Variants in CGNL1 observed in about 807,000 individuals in gnomAD.
CGNL1 encodes cingulin-like protein 1.
A neutral mutation model predicts 141.2 loss-of-function variants in CGNL1; 132 were observed. That is an observed-to-expected ratio of 0.93 (90% CI 0.81 to 1.08). The LOEUF is 1.08. Among genes scored for constraint, CGNL1 ranks in the 50% least tolerant of loss-of-function variants. The pLI is 0.00. For synonymous variants in CGNL1, 690 were observed against 622.1 expected, an observed-to-expected ratio of 1.11 and a Z score of -1.63; for missense variants, 1,870 against 1,588.6, an observed-to-expected ratio of 1.18 and a Z score of -3.01.
chr15:57,459,553 G>C (rs2063420434), intron 7 of CGNL1, among the ~76,000 whole-genome samples: 2 of 152,104 alleles, frequency 1.3e-5, no homozygotes, highest in Admixed American at 1.3e-4. Flanking sequence ...AAGGGAGAAG[G>C]GCACTCCGGA....
At position 57,549,624 on chromosome 15, in the gene CGNL1, A is replaced by C. The variant is rs541719631; in HGVS notation, c.*2134A>C. 6.6e-6 allele frequency: 1 copy of C among 152,312 alleles called. No individual in the cohort carries two copies. Among genetic ancestry groups the C allele is most frequent in the South Asian group, 2.1e-4 (1 of 4,828 alleles). 9.4% of individuals were successfully genotyped at this position (152,312 alleles called of 1,614,324 possible). A position where few individuals can be genotyped will look rare whatever the true frequency, so the allele number is the denominator to read the frequency against. On this transcript the variant is annotated 3_prime_UTR_variant, in exon 19 of 19. Transcript: ENST00000281282. Reference sequence around the variant, plus strand: ...TTCATTTAGCACATATTTATTGGGCATCGGTGATGTGTCAGGCACAGTCCT... The same window carrying C: ...TTCATTTAGCACATATTTATTGGGCCTCGGTGATGTGTCAGGCACAGTCCT...
intron 8 of CGNL1, among the ~76,000 whole-genome samples, chr15:57,498,276 G>T (rs2063972352): frequency 7.9e-6 from 1 of 125,952 alleles, no homozygotes; most frequent in Non-Finnish European, 1.6e-5. Flanking sequence ...GGAGACCAGG[G>T]TCTCACCCTG....
At chr15:57,398,778 T>A (rs1254218087) in intron 1 of CGNL1, among the ~76,000 whole-genome samples, 1 of 152,226 alleles carries the variant, frequency 6.6e-6, no homozygotes, top group Non-Finnish European at 1.5e-5. Context: ...GAAGAGCATT[T>A]TGAATAGAGA....
chr15:57,476,106 G>A (rs1268832155), intron 8 of CGNL1, among the ~76,000 whole-genome samples: 1 of 152,178 alleles, frequency 6.6e-6, no homozygotes, highest in Non-Finnish European at 1.5e-5. Context: ...CAGCCTAGTA[G>A]AGACAGACAA....
At position 57,476,561 on chromosome 15, in the gene CGNL1, A is replaced by G. The variant is rs1036453036; in HGVS notation, c.2403+14669A>G. On this transcript the variant is annotated intron_variant, in intron 8 of 18. Coordinates refer to ENST00000281282, the MANE Select transcript of CGNL1 (RefSeq NM_032866.5). ...GTGACAGAAGAATTCAGTAGAAACCATCAGAGTAGTAGGCGGCCTCTGAAG... is the reference window on the plus strand; with the variant it reads ...GTGACAGAAGAATTCAGTAGAAACCGTCAGAGTAGTAGGCGGCCTCTGAAG... 3.3e-5 allele frequency among the ~76,000 whole-genome samples: 5 copies of G among 152,358 alleles called. No individual in the cohort carries two copies. In the South Asian group the frequency reaches 1.0e-3, roughly 32 times the overall value.
intron 1 of CGNL1, among the ~76,000 whole-genome samples, chr15:57,405,806 C>G (rs1180926915): frequency 9.0e-6 from 1 of 111,304 alleles, no homozygotes; most frequent in Non-Finnish European, 1.8e-5. Flanking sequence ...TTCTTTCTTT[C>G]TTTCCTTCTT....
At chr15:57,431,801 GTCT>G (rs2063048446) in intron 1 of CGNL1, among the ~76,000 whole-genome samples, 1 of 152,018 alleles carries the variant, frequency 6.6e-6, no homozygotes, top group South Asian at 2.1e-4. Flanking sequence ...AAGACAATTG[GTCT>G]TCTTCCAATG....
chr15:57,459,964 G>A (rs1477388080), intron 7 of CGNL1, among the ~76,000 whole-genome samples: 1 of 152,218 alleles, frequency 6.6e-6, no homozygotes, highest in Non-Finnish European at 1.5e-5. Context: ...AGAAGGGTAA[G>A]AGGTAAAGGT....
At chr15:57,507,946 T>C (rs534952618) in intron 8 of CGNL1, among the ~76,000 whole-genome samples, 15 of 152,316 alleles carry the variant, frequency 9.8e-5, no homozygotes, top group African/African-American at 3.4e-4. Context: ...TGAAGGCAGA[T>C]AGAAGTTAAA....
chr15:57,533,730 C>T (rs2032091293), intron 14 of CGNL1, among the ~76,000 whole-genome samples: 1 of 152,234 alleles, frequency 6.6e-6, no homozygotes, highest in Non-Finnish European at 1.5e-5. Flanking sequence ...CAGAATTGCT[C>T]TGGACACTTC....
At chr15:57,512,961 A>G (rs920477222) in intron 8 of CGNL1, among the ~76,000 whole-genome samples, 1 of 150,606 alleles carries the variant, frequency 6.6e-6, no homozygotes, top group African/African-American at 2.4e-5. Flanking sequence ...TTTTTTTTTT[A>G]AACAGCTGTA....
chr15:57,511,867 C>T (rs756893313), intron 8 of CGNL1, among the ~76,000 whole-genome samples: 8 of 152,212 alleles, frequency 5.3e-5, no homozygotes, highest in Admixed American at 2.6e-4. Flanking sequence ...TAAAACAAGA[C>T]ATCACGTAGG....
At chr15:57,411,557 C>G (rs958372492) in intron 1 of CGNL1, among the ~76,000 whole-genome samples, 2 of 151,748 alleles carry the variant, frequency 1.3e-5, no homozygotes, top group African/African-American at 4.8e-5. Flanking sequence ...AATTCTCATG[C>G]TTCACCCTCC....
chr15:57,385,756 C>T (rs2062475676), intron 1 of CGNL1, among the ~76,000 whole-genome samples: 1 of 152,220 alleles, frequency 6.6e-6, no homozygotes, highest in African/African-American at 2.4e-5. Context: ...CCCGGGGGTA[C>T]ATTTGACAAT....
At chr15:57,393,114 AT>A (rs2062561178) in intron 1 of CGNL1, among the ~76,000 whole-genome samples, 1 of 152,198 alleles carries the variant, frequency 6.6e-6, no homozygotes, top group Admixed American at 6.5e-5. Context: ...CTACCCTTAC[AT>A]TGTGCCATAG....
At chr15:57,470,227 T>TA (rs1364612998) in intron 8 of CGNL1, among the ~76,000 whole-genome samples, 1 of 133,144 alleles carries the variant, frequency 7.5e-6, no homozygotes, top group Non-Finnish European at 1.6e-5. Context: ...GATTCAAGGC[T>TA]AAAAAAAGAT....
At chr15:57,463,353 A>T (rs1211280833) in intron 8 of CGNL1, among the ~76,000 whole-genome samples, 1 of 152,184 alleles carries the variant, frequency 6.6e-6, no homozygotes, top group Non-Finnish European at 1.5e-5. Context: ...GTAGAGACTT[A>T]TGTTACTGCA....
chr15:57,506,573 C>A (rs1488099707), intron 8 of CGNL1, among the ~76,000 whole-genome samples: 1 of 152,198 alleles, frequency 6.6e-6, no homozygotes, highest in African/African-American at 2.4e-5. Flanking sequence ...AAGCCCCCAG[C>A]TGGCAGGTTC....
intron 8 of CGNL1, among the ~76,000 whole-genome samples, chr15:57,513,253 GGTGTGTGTGTGTGTGTGTGTGTGT>G (rs369204678): frequency 7.5e-6 from 1 of 133,890 alleles, no homozygotes; most frequent in African/African-American, 2.8e-5. Flanking sequence ...TGTCAATATG[GGTGTGTGTGTGTGTGTGTGTGTGT>G]GTGTGTGTGT....
Sources: gnomAD v4.1 joint callset for allele counts (sites outside exome capture counted in the v4.1 genomes callset) on GRCh38, gnomAD v4.1.1 for gene constraint, MANE v1.5 for transcripts, NCBI Gene and HGNC (gene_info 2026-07-23, HGNC 2026-07-21) for gene names.